ZMYM2: variants seen among roughly 807,000 people sequenced by gnomAD.
The protein encoded by ZMYM2 is zinc finger MYM-type containing 2, also known as zinc finger MYM-type protein 2.
ZMYM2 carries 56 observed loss-of-function variants against 162.8 expected under a neutral mutation model. That is an observed-to-expected ratio of 0.34 (90% CI 0.28 to 0.43). The LOEUF is 0.43. Ranked by LOEUF, ZMYM2 falls within the 20% of genes least tolerant of loss-of-function variation. The pLI is 1.00. For synonymous variants in ZMYM2, 510 were observed against 541.6 expected, an observed-to-expected ratio of 0.94 and a Z score of 0.81; for missense variants, 1,275 against 1,621.8, an observed-to-expected ratio of 0.79 and a Z score of 3.67.
the ZMYM2 span, chr13:19,864,450 G>C: frequency 6.5e-6 from 1 of 154,956 alleles, no homozygotes; most frequent in Non-Finnish European, 1.5e-5. Flanking sequence ...CCCAGCTGCC[G>C]GCGTCTGCGT....
intron 2 of ZMYM2, among the ~76,000 whole-genome samples, chr13:19,978,261 C>T (rs6490499): frequency 1 from 152,312 of 152,314 alleles, 76,155 homozygotes; most frequent in Non-Finnish European, 1. Context: ...AAACAGAAGA[C>T]TAAATTTATA....
the ZMYM2 span, among the ~76,000 whole-genome samples, chr13:19,920,883 C>G: frequency 6.6e-6 from 1 of 151,880 alleles, no homozygotes; most frequent in Non-Finnish European, 1.5e-5. Context: ...CTGCCTCAGC[C>G]TCCCGAGTAG....
rs1319768777 is a variant in ZMYM2 at position 19,993,142 on chromosome 13, A to G, written c.70A>G (p.Met24Val). 2 of 1,614,000 alleles carry G rather than the reference A, an allele frequency of 1.2e-6. No individual in the cohort carries two copies. The highest frequency in any genetic ancestry group is 1.7e-5 in the Admixed American group (1 of 60,000). The change falls in exon 3 of 25, where the codon ATG becomes GTG. Residue 24 changes from methionine (M) to valine (V), a missense_variant. By Grantham distance (21) the Met-to-Val change is conservative (BLOSUM62 1). Coordinates refer to ENST00000610343, the MANE Select transcript of ZMYM2 (RefSeq NM_197968.4). ...TCCTGTTTTATTAGGGAGTACGGCC[A>G]TGGCAACTAGTCTCACGAATGTAGG... The part of the protein sequence containing the change: ...QTPVLLGSTA[M>V]ATSLTNVGNS...
Position 20,030,620 on chromosome 13 carries a change from G to C in ZMYM2, c.1852-699G>C, listed in dbSNP as rs946626266. ...TTACCGTGTTAGCCAGGATGGTCTC[G>C]ATCTCCTGACTTCGTGATCCGCCCG... On this transcript the variant is annotated intron_variant, in intron 9 of 24. Coordinates refer to ENST00000610343, the MANE Select transcript of ZMYM2 (RefSeq NM_197968.4). Among the ~76,000 whole-genome samples, 4 of 152,142 alleles carry C rather than the reference G, an allele frequency of 2.6e-5. No homozygotes were observed. The East Asian group carries it at 5.8e-4, about 22-fold the overall frequency.
intron 2 of ZMYM2, among the ~76,000 whole-genome samples, chr13:19,964,831 T>A (rs2139136206): frequency 6.6e-6 from 1 of 152,306 alleles, no homozygotes; most frequent in East Asian, 1.9e-4. Context: ...AATGTTTTTT[T>A]ATATTACAAG....
At chr13:20,068,253 C>G (rs1004084810) in intron 21 of ZMYM2, 11 of 179,632 alleles carry the variant, frequency 6.1e-5, no homozygotes, top group Admixed American at 1.9e-4. Flanking sequence ...GTACTTTGAG[C>G]CTCATGCTTA....
chr13:20,045,928 A>G (rs1234655266), intron 12 of ZMYM2, among the ~76,000 whole-genome samples: 1 of 151,938 alleles, frequency 6.6e-6, no homozygotes, highest in Non-Finnish European at 1.5e-5. Flanking sequence ...TCTTTGAATG[A>G]ATGATCTCCC....
chr13:20,073,455 A>G (rs1378237261), intron 21 of ZMYM2, among the ~76,000 whole-genome samples: 1 of 152,248 alleles, frequency 6.6e-6, no homozygotes, highest in African/African-American at 2.4e-5. Flanking sequence ...ACACTCATGT[A>G]GCTAAAGGTG....
the ZMYM2 span, among the ~76,000 whole-genome samples, chr13:19,934,555 C>G: frequency 6.6e-6 from 1 of 152,228 alleles, no homozygotes; most frequent in East Asian, 1.9e-4. Flanking sequence ...CTAGACTTAG[C>G]TCCATCCCTT....
intron 12 of ZMYM2, among the ~76,000 whole-genome samples, chr13:20,047,348 T>TC (rs764336848): frequency 4.6e-5 from 7 of 152,226 alleles, no homozygotes; most frequent in East Asian, 3.9e-4. Flanking sequence ...AATTATGGGG[T>TC]CCCCCCCTTT....
chr13:19,920,515 G>A, the ZMYM2 span, among the ~76,000 whole-genome samples: 1 of 151,278 alleles, frequency 6.6e-6, no homozygotes, highest in Non-Finnish European at 1.5e-5. Context: ...GAGGGAAGGG[G>A]AGGGGAAAAA....
At chr13:19,867,142 C>T in the ZMYM2 span, among the ~76,000 whole-genome samples, 4 of 151,794 alleles carry the variant, frequency 2.6e-5, no homozygotes, top group African/African-American at 9.7e-5. Flanking sequence ...CACCTGAGGT[C>T]GGGAGTTCGA....
At chr13:20,080,343 C>T (rs1272883436) in intron 21 of ZMYM2, among the ~76,000 whole-genome samples, 1 of 152,116 alleles carries the variant, frequency 6.6e-6, no homozygotes. Flanking sequence ...CAGATGATGG[C>T]ATTCTTATGT....
At chr13:20,060,776 A>T (rs1348902209) in intron 16 of ZMYM2, among the ~76,000 whole-genome samples, 1 of 152,078 alleles carries the variant, frequency 6.6e-6, no homozygotes, top group Non-Finnish European at 1.5e-5. Flanking sequence ...CACTTGCAGT[A>T]CTTAGAAGAA....
the ZMYM2 span, among the ~76,000 whole-genome samples, chr13:19,928,377 C>T: frequency 5.9e-5 from 9 of 152,226 alleles, no homozygotes; most frequent in Admixed American, 3.9e-4. Flanking sequence ...AAAATATCTT[C>T]CATCAGATTG....
intron 9 of ZMYM2, 112 bp downstream of exon 9, chr13:20,027,430 GT>G (rs1952685244): frequency 3.7e-6 from 3 of 815,994 alleles, no homozygotes; most frequent in Admixed American, 6.7e-5. Flanking sequence ...CTTGTTGAGG[GT>G]CAAATTGGAA....
At chr13:20,068,124 T>G (rs1455844366) in intron 21 of ZMYM2, 1 of 179,676 alleles carries the variant, frequency 5.6e-6, no homozygotes, top group Non-Finnish European at 1.2e-5. Flanking sequence ...GTGGTGCAGA[T>G]ATATAGTGCA....
In ZMYM2 at chr13:20,026,828, C is replaced by A. The variant is rs191767811; in HGVS notation, c.1735+66C>A. Reference sequence around the variant, plus strand: ...CGTAATTAATTTTTGCATAAATACTCATTTGATGTTTTTATGCTTGTTTTT... The same window carrying A: ...CGTAATTAATTTTTGCATAAATACTAATTTGATGTTTTTATGCTTGTTTTT... On this transcript the variant is annotated intron_variant, in intron 8 of 24. Transcript: ENST00000610343. The A allele has an allele frequency of 4.0e-3, 5,755 of 1,456,700 alleles. 18 individuals are homozygous for A. Among genetic ancestry groups the A allele is most frequent in the Non-Finnish European group, 4.1e-3 (4,526 of 1,093,168 alleles). The allele number at this position is 1,456,700 out of a possible 1,614,324, so 90.2% of individuals were successfully genotyped here. A position where few individuals can be genotyped will look rare whatever the true frequency, so the allele number is the denominator to read the frequency against.
intron 21 of ZMYM2, among the ~76,000 whole-genome samples, chr13:20,081,809 C>CT (rs1957929651): frequency 6.6e-6 from 1 of 151,712 alleles, no homozygotes; most frequent in Admixed American, 6.6e-5. Flanking sequence ...TGTATTTCAG[C>CT]TTTGAGTGTT....
Sources: allele counts gnomAD v4.1 joint callset (sites outside exome capture counted in the v4.1 genomes callset), GRCh38; gene constraint gnomAD v4.1.1; transcripts MANE v1.5; gene names NCBI Gene and HGNC (gene_info 2026-07-23, HGNC 2026-07-21).